Variants in MAPK1IP1L observed in about 807,000 individuals in gnomAD.
MAPK1IP1L encodes mitogen-activated protein kinase 1 interacting protein 1 like.
A neutral mutation model predicts 18.1 loss-of-function variants in MAPK1IP1L; 10 were observed. The observed-to-expected ratio is 0.55, with a 90% CI of 0.34 to 0.94. MAPK1IP1L has a LOEUF of 0.94. Among genes scored for constraint, MAPK1IP1L ranks in the 40% least tolerant of loss-of-function variants. The pLI, the probability that MAPK1IP1L is intolerant of heterozygous loss-of-function variation, is 0.02. For missense variants in MAPK1IP1L, 260 were observed against 318.2 expected (o/e 0.82, Z 1.39); for synonymous variants, 115 against 117.3 (o/e 0.98, Z 0.13).
intron 1 of MAPK1IP1L, chr14:55,060,486 A>G (rs1168925020): frequency 6.6e-6 from 1 of 152,190 alleles, no homozygotes; most frequent in African/African-American, 2.4e-5. Context: ...AAAAATTTTA[A>G]TCTCATATAT....
chr14:55,053,121 TA>T (rs1436799318), intron 1 of MAPK1IP1L, among the ~76,000 whole-genome samples: 3 of 152,250 alleles, frequency 2.0e-5, no homozygotes, highest in African/African-American at 7.2e-5. Context: ...CTAGGGCAGA[TA>T]AAGATTTATG....
rs1431641225 is a variant in MAPK1IP1L, at chr14:55,066,791, A to G, written c.*2164A>G. 1 of 152,184 alleles carries G rather than the reference A, an allele frequency of 6.6e-6. No homozygotes were observed. Among genetic ancestry groups the G allele is most frequent in the African/African-American group, 2.4e-5 (1 of 41,460 alleles). 9.4% of individuals were successfully genotyped at this position (152,184 alleles called of 1,614,324 possible). A position where few individuals can be genotyped will look rare whatever the true frequency, so the allele number is the denominator to read the frequency against. ...ACACAATTTGGGATTATTACTCCCTATAAGTATAATAATTTTGCTAGTGAC... is the reference window on the plus strand; with the variant it reads ...ACACAATTTGGGATTATTACTCCCTGTAAGTATAATAATTTTGCTAGTGAC... On this transcript the variant is annotated 3_prime_UTR_variant, in exon 4 of 4. Transcript: ENST00000395468.
chr14:55,056,514 TG>T (rs2042772285), intron 1 of MAPK1IP1L, among the ~76,000 whole-genome samples: 1 of 152,160 alleles, frequency 6.6e-6, no homozygotes, highest in Non-Finnish European at 1.5e-5. Context: ...TGGGTTTTTT[TG>T]TTTTTTTGTT....
At chr14:55,063,470 C>G (rs933649350) in intron 3 of MAPK1IP1L, 145 bp downstream of exon 3, 2 of 688,016 alleles carry the variant, frequency 2.9e-6, no homozygotes, top group Non-Finnish European at 4.6e-6. Context: ...AAATTTCAAA[C>G]CTTCAGGTAA....
chr14:55,059,112 A>G (rs2042793885), intron 1 of MAPK1IP1L, among the ~76,000 whole-genome samples: 2 of 151,598 alleles, frequency 1.3e-5, no homozygotes, highest in South Asian at 2.1e-4. Context: ...GACATTTTAA[A>G]TAGATGTTCC....
intron 1 of MAPK1IP1L, among the ~76,000 whole-genome samples, chr14:55,052,012 T>G (rs1467199995): frequency 1.3e-5 from 2 of 151,932 alleles, no homozygotes; most frequent in East Asian, 3.9e-4. Flanking sequence ...TGCCTGGGGA[T>G]CGCCCCCCAG....
At chr14:55,056,579 A>G (rs566568322) in intron 1 of MAPK1IP1L, among the ~76,000 whole-genome samples, 1 of 152,140 alleles carries the variant, frequency 6.6e-6, no homozygotes, top group African/African-American at 2.4e-5. Flanking sequence ...GCTTGATCTC[A>G]GCTCACTGCA....
chr14:55,068,116 A>G lies in MAPK1IP1L; in HGVS notation c.*3489A>G, dbSNP rs1282907206. On this transcript the variant is annotated 3_prime_UTR_variant, in exon 4 of 4. Coordinates refer to ENST00000395468, the MANE Select transcript of MAPK1IP1L (RefSeq NM_144578.4). The stretch of plus-strand genomic sequence containing the variant: ...TCTGACTCAGCCCTATTTTGTGTAA[A>G]GTAATATATTGATTATTCAGAAATA... 14 of 152,200 alleles carry G rather than the reference A, an allele frequency of 9.2e-5. No individual in the cohort carries two copies. Among genetic ancestry groups the G allele is most frequent in the Admixed American group, 3.3e-4 (5 of 15,280 alleles). The allele number at this position is 152,200 out of a possible 1,614,324, so 9.4% of individuals were successfully genotyped here. A position where few individuals can be genotyped will look rare whatever the true frequency, so the allele number is the denominator to read the frequency against.
At chr14:55,058,124 C>G (rs975289659) in intron 1 of MAPK1IP1L, among the ~76,000 whole-genome samples, 2 of 152,210 alleles carry the variant, frequency 1.3e-5, no homozygotes, top group African/African-American at 4.8e-5. Flanking sequence ...CCTACACCCA[C>G]GCTCACAGAC....
Position 55,069,525 on chromosome 14 carries a change from A to G in MAPK1IP1L, c.*4898A>G, listed in dbSNP as rs2042890245. 6.6e-6 allele frequency: 1 copy of G among 152,594 alleles called. No homozygotes were observed. The highest frequency in any genetic ancestry group is 2.4e-5 in the African/African-American group (1 of 41,436). 9.5% of individuals were successfully genotyped at this position (152,594 alleles called of 1,614,324 possible). A position where few individuals can be genotyped will look rare whatever the true frequency, so the allele number is the denominator to read the frequency against. On this transcript the variant is annotated 3_prime_UTR_variant, in exon 4 of 4. Transcript: ENST00000395468. ...ATTATACCTGGAAACTTTTTTTAAA[A>G]AATGTATTTTCATGGTTTCACAGAT...
chr14:55,056,437 T>C (rs2042771736), intron 1 of MAPK1IP1L, among the ~76,000 whole-genome samples: 1 of 152,210 alleles, frequency 6.6e-6, no homozygotes, highest in South Asian at 2.1e-4. Context: ...TTCTACACTG[T>C]TAGTCCTAAA....
intron 1 of MAPK1IP1L, among the ~76,000 whole-genome samples, chr14:55,054,985 T>C (rs2042759640): frequency 6.6e-6 from 1 of 152,178 alleles, no homozygotes; most frequent in African/African-American, 2.4e-5. Context: ...GTAACAAAGT[T>C]TTGGAAATAA....
At position 55,069,347 on chromosome 14, in the gene MAPK1IP1L, T is replaced by A. The variant is rs1481749698; in HGVS notation, c.*4720T>A. On this transcript the variant is annotated 3_prime_UTR_variant, in exon 4 of 4. Transcript: ENST00000395468. ...CATATACATATGTTTGTATTATAAATTGTAAGCAATCAGTTTGAGATACTA... is the reference window on the plus strand; with the variant it reads ...CATATACATATGTTTGTATTATAAAATGTAAGCAATCAGTTTGAGATACTA... 2.0e-5 allele frequency: 3 copies of A among 152,660 alleles called. No homozygotes were observed. Among genetic ancestry groups the A allele is most frequent in the Non-Finnish European group, 4.4e-5 (3 of 68,042 alleles). 9.5% of individuals were successfully genotyped at this position (152,660 alleles called of 1,614,324 possible).
rs375374461 is a variant in MAPK1IP1L, at chr14:55,056,926, T to A, written c.-4-4754T>A. 4.6e-5 allele frequency among the ~76,000 whole-genome samples: 7 copies of A among 152,318 alleles called. No individual in the cohort carries two copies. The East Asian group carries it at 7.7e-4, about 17-fold the overall frequency. On this transcript the variant is annotated intron_variant, in intron 1 of 3. Transcript: ENST00000395468. ...CAAATCATAATTAGAAATAAGATGC[T>A]AAGAATACAAAGGTGGCTCTATGTT... is the stretch of plus-strand genomic sequence containing the variant.
rs1481148761 is a variant in MAPK1IP1L at position 55,062,602 on chromosome 14, C to T, written c.19-16C>T. ...TTTTCCCTAGATAGGAAAGACGTATCTGTTTTGTGTTCCAGTTGGCAGATG... is the reference window on the plus strand; with the variant it reads ...TTTTCCCTAGATAGGAAAGACGTATTTGTTTTGTGTTCCAGTTGGCAGATG... On this transcript the variant is annotated splice_polypyrimidine_tract_variant and intron_variant, in intron 2 of 3. Coordinates refer to ENST00000395468, the MANE Select transcript of MAPK1IP1L (RefSeq NM_144578.4). The T allele has an allele frequency of 1.9e-6, 3 of 1,592,856 alleles. No individual in the cohort carries two copies. The highest frequency in any genetic ancestry group is 2.6e-6 in the Non-Finnish European group (3 of 1,166,908).
At position 55,064,641 on chromosome 14, in the gene MAPK1IP1L, G is replaced by A. The variant is rs1452863755; in HGVS notation, c.*14G>A. 4.3e-6 allele frequency: 7 copies of A among 1,611,208 alleles called. No individual in the cohort carries two copies. Among genetic ancestry groups the A allele is most frequent in the East Asian group, 2.2e-5 (1 of 44,754 alleles). ...TCTTACCATTAAGTTAACAATGGAC[G>A]AAGAGATGACGCTTTGCTTTTTGAA... On this transcript the variant is annotated 3_prime_UTR_variant, in exon 4 of 4. Transcript: ENST00000395468.
At chr14:55,058,304 T>C (rs138011411) in intron 1 of MAPK1IP1L, among the ~76,000 whole-genome samples, 1 of 152,348 alleles carries the variant, frequency 6.6e-6, no homozygotes, top group Non-Finnish European at 1.5e-5. Flanking sequence ...AAAACAAAGT[T>C]GAATGAAACG....
In MAPK1IP1L at chr14:55,054,923, A is replaced by G. The variant is rs77910170; in HGVS notation, c.-5+3120A>G. ...TTAAAATTACTATTCTTGCTATTCA[A>G]AGAATAAAAAGTATTGTTTTTCAGA... On this transcript the variant is annotated intron_variant, in intron 1 of 3. Coordinates refer to ENST00000395468, the MANE Select transcript of MAPK1IP1L (RefSeq NM_144578.4). 7.6e-3 allele frequency among the ~76,000 whole-genome samples: 1,153 copies of G among 152,346 alleles called. 3 individuals carry two copies. The highest frequency in any genetic ancestry group is 0.02 in the Middle Eastern group (6 of 294).
rs1441452155 is a variant in MAPK1IP1L, at chr14:55,051,793, G to C, written c.-15G>C. 2.0e-6 allele frequency: 1 copy of C among 497,966 alleles called. No homozygotes were observed. Among genetic ancestry groups the C allele is most frequent in the African/African-American group, 2.0e-5 (1 of 49,462 alleles). 30.8% of individuals were successfully genotyped at this position (497,966 alleles called of 1,614,324 possible). A position where few individuals can be genotyped will look rare whatever the true frequency, so the allele number is the denominator to read the frequency against. ...GCTTCTAGACCCTACTGCGGTCTCG[G>C]ATATTGCCGGGTGAGGCTGCTTCGG... On this transcript the variant is annotated 5_prime_UTR_variant, in exon 1 of 4. Transcript: ENST00000395468.
Sources: gnomAD v4.1 joint callset for allele counts (sites outside exome capture counted in the v4.1 genomes callset) on GRCh38, gnomAD v4.1.1 for gene constraint, MANE v1.5 for transcripts, NCBI Gene and HGNC (gene_info 2026-07-23, HGNC 2026-07-21) for gene names.